Variants in NTM observed in about 807,000 individuals in gnomAD.
NTM encodes the protein IgLON family member 2.
NTM carries 13 observed loss-of-function variants against 42.1 expected under a neutral mutation model. That is an observed-to-expected ratio of 0.31 (90% CI 0.20 to 0.49). The LOEUF (loss-of-function observed/expected upper bound fraction) is 0.49, where lower values mean the gene tolerates loss of function less well. NTM is among the 20% of genes least tolerant of loss of function. The pLI is 0.99. For synonymous variants in NTM, 187 were observed against 179.2 expected (o/e 1.04, Z -0.35); for missense variants, 373 against 452.8 (o/e 0.82, Z 1.60).
chr11:132,260,919 T>C (rs1477765299), intron 4 of NTM, among the ~76,000 whole-genome samples: 2 of 152,200 alleles, frequency 1.3e-5, no homozygotes, highest in African/African-American at 4.8e-5. Flanking sequence ...GCACCACTTG[T>C]AGACCTACTT....
intron 2 of NTM, among the ~76,000 whole-genome samples, chr11:132,025,204 A>G (rs779398854): frequency 6.6e-6 from 1 of 152,086 alleles, no homozygotes; most frequent in Non-Finnish European, 1.5e-5. Flanking sequence ...TTCATCTTCC[A>G]TTGTCATGTA....
At chr11:132,250,569 C>T (rs2091825615) in intron 4 of NTM, among the ~76,000 whole-genome samples, 3 of 151,758 alleles carry the variant, frequency 2.0e-5, no homozygotes, top group Admixed American at 2.0e-4. Flanking sequence ...TGGCATTCTT[C>T]ATCTCTTTGT....
chr11:132,079,527 T>C (rs914530097), intron 2 of NTM, among the ~76,000 whole-genome samples: 1 of 152,206 alleles, frequency 6.6e-6, no homozygotes, highest in Non-Finnish European at 1.5e-5. Flanking sequence ...AGTCCCTATC[T>C]CCTGGTGCAG....
At chr11:131,677,151 G>A (rs920109211) in intron 1 of NTM, among the ~76,000 whole-genome samples, 19 of 152,186 alleles carry the variant, frequency 1.2e-4, no homozygotes, top group African/African-American at 1.9e-4. Context: ...TCAGGTCCCC[G>A]AGCCCTGCCC....
intron 1 of NTM, among the ~76,000 whole-genome samples, chr11:131,634,129 A>G (rs2064067722): frequency 6.6e-6 from 1 of 152,176 alleles, no homozygotes; most frequent in African/African-American, 2.4e-5. Flanking sequence ...AGTGGTTGGT[A>G]AATTCTATTT....
intron 1 of NTM, among the ~76,000 whole-genome samples, chr11:131,730,708 A>ACC (rs2079539336): frequency 6.6e-6 from 1 of 151,748 alleles, no homozygotes; most frequent in Non-Finnish European, 1.5e-5. Flanking sequence ...GCCACAGTAG[A>ACC]CCCTATCTGT....
intron 2 of NTM, among the ~76,000 whole-genome samples, chr11:131,922,899 G>A (rs2057424041): frequency 6.6e-6 from 1 of 152,174 alleles, no homozygotes; most frequent in Non-Finnish European, 1.5e-5. Context: ...CGTCGCTGCT[G>A]CCTCGCTCGT....
chr11:131,720,176 A>G (rs1299380174), intron 1 of NTM, among the ~76,000 whole-genome samples: 3 of 152,340 alleles, frequency 2.0e-5, no homozygotes, highest in East Asian at 1.9e-4. Flanking sequence ...ACATTGTGCC[A>G]GGTAGTGTGC....
rs73031552 is a variant in NTM at position 132,002,742 on chromosome 11, C to T, written c.167+91094C>T. ...GCCTGGGTTTGAATTCAAGTTCTGC[C>T]ACTTCCTTACTCTGTCTCTTTATCA... is the stretch of plus-strand genomic sequence containing the variant. On this transcript the variant is annotated intron_variant, in intron 2 of 8. Transcript: ENST00000683400. The surrounding 1 kb of genome is among the most constrained non-coding windows in gnomAD (Gnocchi z 4.5). Among the ~76,000 whole-genome samples, 481 of 152,200 alleles carry T rather than the reference C, an allele frequency of 3.2e-3. 3 individuals carry two copies. Among genetic ancestry groups the T allele is most frequent in the Admixed American group, 5.3e-3 (81 of 15,282 alleles).
At chr11:132,093,117 T>C (rs2060556804) in intron 2 of NTM, among the ~76,000 whole-genome samples, 1 of 152,222 alleles carries the variant, frequency 6.6e-6, no homozygotes, top group Non-Finnish European at 1.5e-5. Context: ...AGCTTGGTTT[T>C]GGGTGCCCTA....
intron 2 of NTM, among the ~76,000 whole-genome samples, chr11:131,971,350 C>T (rs940968353): frequency 3.9e-5 from 6 of 152,076 alleles, no homozygotes; most frequent in East Asian, 1.9e-4. Flanking sequence ...TGTGCTTTCT[C>T]GGCTTTTTCT....
At chr11:131,989,324 A>T (rs2066604663) in intron 2 of NTM, among the ~76,000 whole-genome samples, 1 of 151,900 alleles carries the variant, frequency 6.6e-6, no homozygotes, top group South Asian at 2.1e-4. Context: ...CATCATTTAA[A>T]AAATCAACAG....
chr11:132,321,886 A>G (rs1434934191), intron 7 of NTM, among the ~76,000 whole-genome samples: 3 of 149,810 alleles, frequency 2.0e-5, no homozygotes, highest in Non-Finnish European at 4.4e-5. Context: ...ACATTCTTAA[A>G]GAAAAGAATT....
intron 1 of NTM, among the ~76,000 whole-genome samples, chr11:131,812,894 G>T (rs1170719612): frequency 6.6e-6 from 1 of 152,120 alleles, no homozygotes; most frequent in East Asian, 1.9e-4. Context: ...TGTGAGGAGG[G>T]ACAGCCAGGA....
intron 1 of NTM, chr11:131,661,334 T>C: frequency 5.8e-6 from 1 of 173,182 alleles, no homozygotes; most frequent in Non-Finnish European, 1.3e-5. Context: ...CTAGAAGAAG[T>C]AGGGAAAAGT....
At chr11:131,877,672 A>C (rs1294615254) in intron 1 of NTM, 8 of 152,380 alleles carry the variant, frequency 5.3e-5, no homozygotes, top group Admixed American at 5.2e-4. Context: ...TATAATCAGA[A>C]ACCATAAAAT....
intron 2 of NTM, among the ~76,000 whole-genome samples, chr11:132,075,582 C>T (rs946334055): frequency 3.9e-5 from 6 of 152,176 alleles, no homozygotes; most frequent in Non-Finnish European, 5.9e-5. Context: ...GGTTCATACA[C>T]AGCTCTTGTC....
intron 1 of NTM, among the ~76,000 whole-genome samples, chr11:131,624,634 A>C (rs1228559354): frequency 6.6e-6 from 1 of 152,192 alleles, no homozygotes; most frequent in African/African-American, 2.4e-5. Context: ...TGTATTACTC[A>C]TAGCACTTAA....
At chr11:132,313,253 G>A (rs553006895) in intron 6 of NTM, among the ~76,000 whole-genome samples, 9 of 152,030 alleles carry the variant, frequency 5.9e-5, no homozygotes, top group East Asian at 1.9e-4. Flanking sequence ...GCCATTGTGC[G>A]GTCCGCAAAG....
Sources: gnomAD v4.1 joint callset for allele counts (sites outside exome capture counted in the v4.1 genomes callset) on GRCh38, gnomAD v4.1.1 for gene constraint, Gnocchi (gnomAD v3.1) non-coding constraint, MANE v1.5 for transcripts, NCBI Gene and HGNC (gene_info 2026-07-23, HGNC 2026-07-21) for gene names.